Variants in ZNF462 observed in about 807,000 individuals in gnomAD.
The protein encoded by ZNF462 is zinc finger PBX1-interacting protein.
Under a neutral mutation model 201.9 loss-of-function variants are expected in ZNF462, and 10 were observed. The observed-to-expected ratio is 0.05, with a 90% CI of 0.03 to 0.08. The LOEUF (loss-of-function observed/expected upper bound fraction) is 0.08. Ranked by LOEUF, ZNF462 falls within the 10% of genes least tolerant of loss-of-function variation. The probability of loss-of-function intolerance (pLI) is 1.00; values close to 1 mark genes in which losing one functional copy is unlikely to be tolerated. For missense variants in ZNF462, 2,523 were observed against 3,168.3 expected (o/e 0.80, Z 4.89); for synonymous variants, 1,227 against 1,193.3 (o/e 1.03, Z -0.58).
At position 107,010,194 on chromosome 9, in the gene ZNF462, A is replaced by C. The variant is rs1476972683; in HGVS notation, c.7313+526A>C. On this transcript the variant is annotated intron_variant, in intron 12 of 12. Coordinates refer to ENST00000277225, the MANE Select transcript of ZNF462 (RefSeq NM_021224.6). The surrounding 1 kb of genome is among the most constrained non-coding windows in gnomAD (Gnocchi z 4.6). Reference sequence around the variant, plus strand: ...TCAACAAGGCACGTTAGTCCACCAGATGCAGAGAGAACCTAGGATGTGGTC... The same window carrying C: ...TCAACAAGGCACGTTAGTCCACCAGCTGCAGAGAGAACCTAGGATGTGGTC... Among the ~76,000 whole-genome samples the C allele has an allele frequency of 6.6e-6, 1 of 152,126 alleles. No homozygotes were observed. The highest frequency in any genetic ancestry group is 1.9e-4 in the East Asian group (1 of 5,178).
At chr9:106,912,784 A>C (rs1829604080) in intron 1 of ZNF462, among the ~76,000 whole-genome samples, 1 of 152,228 alleles carries the variant, frequency 6.6e-6, no homozygotes, top group Non-Finnish European at 1.5e-5. Context: ...TTGATGGTTA[A>C]CTTTTAGAGT....
intron 7 of ZNF462, among the ~76,000 whole-genome samples, chr9:106,949,162 G>T (rs1178309438): frequency 6.6e-6 from 1 of 152,120 alleles, no homozygotes; most frequent in African/African-American, 2.4e-5. Flanking sequence ...GATGACCCTT[G>T]GCATTTATTT....
At position 106,963,696 on chromosome 9, in the gene ZNF462, T is replaced by C. The variant is rs888891108; in HGVS notation, c.6428-8309T>C. Among the ~76,000 whole-genome samples, 2 of 152,076 alleles carry C rather than the reference T, an allele frequency of 1.3e-5. No homozygotes were observed. Among genetic ancestry groups the C allele is most frequent in the Non-Finnish European group, 2.9e-5 (2 of 67,970 alleles). ...AAAAAAATTACTGCAGTAAAAACCA[T>C]ATAACATGGGAATTTACCCTCTTAA... On this transcript the variant is annotated intron_variant, in intron 7 of 12. Coordinates refer to ENST00000277225, the MANE Select transcript of ZNF462 (RefSeq NM_021224.6). The surrounding 1 kb of genome is among the most constrained non-coding windows in gnomAD (Gnocchi z 4.7).
chr9:106,909,343 C>T lies in ZNF462; in HGVS notation c.-30-14011C>T, dbSNP rs559139753. Reference sequence around the variant, plus strand: ...CTACATACTTTTATAGTTATTGTTACGGAATTATTTATTGTTATAACCACT... The same window carrying T: ...CTACATACTTTTATAGTTATTGTTATGGAATTATTTATTGTTATAACCACT... On this transcript the variant is annotated intron_variant, in intron 1 of 12. Coordinates refer to ENST00000277225, the MANE Select transcript of ZNF462 (RefSeq NM_021224.6). Among the ~76,000 whole-genome samples the T allele has an allele frequency of 5.9e-5, 9 of 151,684 alleles. No homozygotes were observed. In the South Asian group the frequency reaches 6.3e-4, roughly 11 times the overall value.
chr9:106,938,987 C>T lies in ZNF462; in HGVS notation c.6307C>T (p.Leu2103Phe). ...MTISQLKEHSLKVHGKALTLP... is the reference protein window; with the variant it reads ...MTISQLKEHSFKVHGKALTLP... ...AATCAGCCAGCTGAAGGAACACTCC[C>T]TCAAGGTCCACGGAAAAGCCCTGAC... is the stretch of plus-strand genomic sequence containing the variant. The change falls in exon 7 of 13, where the codon CTC (leucine) becomes TTC (phenylalanine). Residue 2103 changes from leucine to phenylalanine, a missense_variant. Coordinates refer to ENST00000277225, the MANE Select transcript of ZNF462 (RefSeq NM_021224.6). This position sits in a 1 kb window ranked among gnomAD's most constrained non-coding sequence, Gnocchi z 4.4. The T allele has an allele frequency of 6.2e-7, 1 of 1,613,984 alleles. No individual in the cohort carries two copies. Among genetic ancestry groups the T allele is most frequent in the Non-Finnish European group, 8.5e-7 (1 of 1,179,946 alleles).
chr9:106,908,799 GATTAA>G (rs1011780617), intron 1 of ZNF462, among the ~76,000 whole-genome samples: 4 of 147,970 alleles, frequency 2.7e-5, no homozygotes, highest in South Asian at 4.3e-4. Context: ...TTTTATTACT[GATTAA>G]ATTAATGTTC....
At chr9:106,943,141 G>T (rs1187893588) in intron 7 of ZNF462, among the ~76,000 whole-genome samples, 1 of 151,008 alleles carries the variant, frequency 6.6e-6, no homozygotes, top group African/African-American at 2.4e-5. Context: ...AAGAACACTT[G>T]GTTGTGATAC....
rs1244063811 is a variant in ZNF462 at position 106,919,314 on chromosome 9, G to A, written c.-30-4040G>A. 6.6e-6 allele frequency among the ~76,000 whole-genome samples: 1 copy of A among 152,228 alleles called. No homozygotes were observed. Among genetic ancestry groups the A allele is most frequent in the Non-Finnish European group, 1.5e-5 (1 of 68,044 alleles). ...TCCCCGCTCCGGTTACGTCTGAGCAGTGAGTTGGAAGGATGGACGATGAAG... is the reference window on the plus strand; with the variant it reads ...TCCCCGCTCCGGTTACGTCTGAGCAATGAGTTGGAAGGATGGACGATGAAG... On this transcript the variant is annotated intron_variant, in intron 1 of 12. Coordinates refer to ENST00000277225, the MANE Select transcript of ZNF462 (RefSeq NM_021224.6). The surrounding 1 kb of genome is among the most constrained non-coding windows in gnomAD (Gnocchi z 4.5).
rs148689486 is a variant in ZNF462, at chr9:106,994,139, A to G, written c.7057-9155A>G. On this transcript the variant is annotated intron_variant, in intron 10 of 12. Coordinates refer to ENST00000277225, the MANE Select transcript of ZNF462 (RefSeq NM_021224.6). Reference sequence around the variant, plus strand: ...TGTTCAGTATATTAAATTTAGAAGGATAGTCTATTCAGGCAATACACATTC... The same window carrying G: ...TGTTCAGTATATTAAATTTAGAAGGGTAGTCTATTCAGGCAATACACATTC... 4.6e-3 allele frequency among the ~76,000 whole-genome samples: 696 copies of G among 152,258 alleles called. 9 individuals are homozygous for G. The highest frequency in any genetic ancestry group is 0.016 in the African/African-American group (672 of 41,570).
intron 11 of ZNF462, among the ~76,000 whole-genome samples, chr9:107,007,970 T>C (rs1829679566): frequency 6.6e-6 from 1 of 152,122 alleles, no homozygotes; most frequent in Admixed American, 6.5e-5. Context: ...GTTTAGGGGG[T>C]TCACAGCCTC....
chr9:106,877,888 A>G (rs572054666), intron 1 of ZNF462, among the ~76,000 whole-genome samples: 1 of 152,150 alleles, frequency 6.6e-6, no homozygotes, highest in African/African-American at 2.4e-5. Flanking sequence ...GGCAGTGGTT[A>G]TTAGTACAGA....
chr9:106,991,839 TACA>T (rs1236950966), intron 10 of ZNF462, among the ~76,000 whole-genome samples: 35 of 136,350 alleles, frequency 2.6e-4, no homozygotes, highest in African/African-American at 8.8e-4. Flanking sequence ...CAGCACTCTC[TACA>T]CACACACACA....
At chr9:106,922,241 AG>A (rs1830021097) in intron 1 of ZNF462, among the ~76,000 whole-genome samples, 1 of 152,228 alleles carries the variant, frequency 6.6e-6, no homozygotes, top group Non-Finnish European at 1.5e-5. Flanking sequence ...ATCTTACTGA[AG>A]TAACTTACTC....
At chr9:106,894,007 CTA>C (rs553526391) in intron 1 of ZNF462, among the ~76,000 whole-genome samples, 71 of 152,318 alleles carry the variant, frequency 4.7e-4, no homozygotes, top group Non-Finnish European at 7.2e-4. Context: ...TGGCAACAGA[CTA>C]TGTGCAAACT....
intron 9 of ZNF462, among the ~76,000 whole-genome samples, chr9:106,979,917 T>A (rs920880696): frequency 2.0e-5 from 3 of 152,202 alleles, no homozygotes; most frequent in Admixed American, 2.0e-4. Context: ...AGTTTCTGTT[T>A]CCCAATACAT....
In ZNF462 at chr9:106,928,796, C is replaced by G; in HGVS notation, c.4884C>G (p.Ser1628Arg). 1 of 1,614,152 alleles carries G rather than the reference C, an allele frequency of 6.2e-7. No homozygotes were observed. The highest frequency in any genetic ancestry group is 8.5e-7 in the Non-Finnish European group (1 of 1,180,028). Residue 1628 changes from serine (S) to arginine (R), a missense_variant, in exon 3 of 13, where the codon AGC (serine) becomes AGG (arginine). Transcript: ENST00000277225. The surrounding 1 kb of genome is among the most constrained non-coding windows in gnomAD (Gnocchi z 9.3). Reference protein sequence around the residue: ...PLEPEMTTEVSPSQVSITEEE... With the variant: ...PLEPEMTTEVRPSQVSITEEE... Reference sequence around the variant, plus strand: ...AGCCCGAGATGACCACTGAAGTGAGCCCTTCCCAAGTCTCCATCACTGAGG... The same window carrying G: ...AGCCCGAGATGACCACTGAAGTGAGGCCTTCCCAAGTCTCCATCACTGAGG...
At chr9:107,001,073 G>A (rs897816037) in intron 10 of ZNF462, among the ~76,000 whole-genome samples, 10 of 152,106 alleles carry the variant, frequency 6.6e-5, no homozygotes, top group African/African-American at 2.4e-4. Flanking sequence ...TCCTTTACAC[G>A]TATTTATAGT....
chr9:106,989,714 G>A (rs1014299513), intron 10 of ZNF462, among the ~76,000 whole-genome samples: 4 of 151,878 alleles, frequency 2.6e-5, no homozygotes, highest in East Asian at 1.9e-4. Context: ...TTTCAATCTC[G>A]CTACTTGTCA....
chr9:106,959,767 G>A (rs1487565307), intron 7 of ZNF462, among the ~76,000 whole-genome samples: 3 of 152,106 alleles, frequency 2.0e-5, no homozygotes, highest in Non-Finnish European at 4.4e-5. Context: ...ATCTGACACA[G>A]ATGCTAGACA....
Sources: allele counts gnomAD v4.1 joint callset (sites outside exome capture counted in the v4.1 genomes callset), GRCh38; gene constraint gnomAD v4.1.1; non-coding constraint Gnocchi (gnomAD v3.1); transcripts MANE v1.5; gene names NCBI Gene and HGNC (gene_info 2026-07-23, HGNC 2026-07-21).